Variants in WAC observed in about 807,000 individuals in gnomAD.
WAC encodes WW domain containing adaptor with coiled-coil, also known as WW domain-containing adapter protein with coiled-coil.
A neutral mutation model predicts 79.6 loss-of-function variants in WAC; 11 were observed. The observed-to-expected ratio is 0.14, with a 90% CI of 0.09 to 0.23. The LOEUF (loss-of-function observed/expected upper bound fraction) is 0.23. Among genes scored for constraint, WAC ranks in the 10% least tolerant of loss-of-function variants. The probability of loss-of-function intolerance (pLI) is 1.00; values close to 1 mark genes in which losing one functional copy is unlikely to be tolerated. For missense variants in WAC, 728 were observed against 773.5 expected (o/e 0.94, Z 0.70); for synonymous variants, 304 against 276.9 (o/e 1.10, Z -0.97).
chr10:28,533,826 C>T (rs568147827), intron 1 of WAC, 172 bp from the exon 2 acceptor site: 804 of 1,007,406 alleles, frequency 8.0e-4, no homozygotes, highest in Non-Finnish European at 1.0e-3. Flanking sequence ...GCATTTCGCC[C>T]TCTCCGGCCC....
At chr10:28,559,237 A>G (rs1838175179) in intron 3 of WAC, among the ~76,000 whole-genome samples, 1 of 151,752 alleles carries the variant, frequency 6.6e-6, no homozygotes, top group Non-Finnish European at 1.5e-5. Flanking sequence ...AAATAAAGCT[A>G]GGTAAAGGAG....
At chr10:28,543,976 C>T (rs1207451098) in intron 3 of WAC, among the ~76,000 whole-genome samples, 8 of 152,094 alleles carry the variant, frequency 5.3e-5, no homozygotes, top group Non-Finnish European at 1.2e-4. Context: ...AGCAAGCTCG[C>T]CTCTGCAGGT....
rs1836382617 is a variant in WAC at position 28,533,353 on chromosome 10, T to C, written c.-227T>C. 1.3e-5 allele frequency: 2 copies of C among 152,958 alleles called. No individual in the cohort carries two copies. The highest frequency in any genetic ancestry group is 6.6e-5 in the Admixed American group (1 of 15,198). 9.5% of individuals were successfully genotyped at this position (152,958 alleles called of 1,614,324 possible). ...CTCCCCCCGGTTCGCGGTGCCGCCG[T>C]GTAGTTGGCGCCGCTGCCCCGGCTG... On this transcript the variant is annotated 5_prime_UTR_variant, in exon 1 of 14. Coordinates refer to ENST00000354911, the MANE Select transcript of WAC (RefSeq NM_016628.5).
intron 7 of WAC, among the ~76,000 whole-genome samples, chr10:28,605,254 G>A (rs1840881897): frequency 6.6e-6 from 1 of 152,266 alleles, no homozygotes; most frequent in East Asian, 1.9e-4. Context: ...AGGAACCTTG[G>A]AGGTTCTCCA....
intron 3 of WAC, among the ~76,000 whole-genome samples, chr10:28,564,023 C>T (rs573367228): frequency 1.3e-5 from 2 of 152,036 alleles, no homozygotes; most frequent in South Asian, 4.2e-4. Flanking sequence ...ATGCCTGTAA[C>T]CCCAGCACTT....
chr10:28,558,063 G>T (rs1010686728), intron 3 of WAC, among the ~76,000 whole-genome samples: 2 of 151,974 alleles, frequency 1.3e-5, no homozygotes, highest in Non-Finnish European at 2.9e-5. Context: ...AACAGAGCGA[G>T]ATTCTGTCTC....
intron 3 of WAC, among the ~76,000 whole-genome samples, chr10:28,537,327 A>G (rs1035851794): frequency 2.0e-5 from 3 of 152,208 alleles, no homozygotes; most frequent in Non-Finnish European, 4.4e-5. Context: ...GGTACTCTCT[A>G]TCAACCACTC....
At position 28,617,789 on chromosome 10, in the gene WAC, G is replaced by A; in HGVS notation, c.1874+5G>A. ...AGCAACTTTGCGAGAGCAAAGGTAAGTCTTTCACTGAAATATATTTTTATG... is the reference window on the plus strand; with the variant it reads ...AGCAACTTTGCGAGAGCAAAGGTAAATCTTTCACTGAAATATATTTTTATG... On this transcript the variant is annotated splice_donor_5th_base_variant and intron_variant, in intron 13 of 13. Transcript: ENST00000354911. 1 of 1,573,942 alleles carries A rather than the reference G, an allele frequency of 6.4e-7. No individual in the cohort carries two copies. The highest frequency in any genetic ancestry group is 2.1e-5 in the Admixed American group (1 of 48,406).
chr10:28,533,690 C>T (rs550542851), intron 1 of WAC, 70 bp downstream of exon 1: 20 of 1,482,164 alleles, frequency 1.3e-5, no homozygotes, highest in African/African-American at 7.1e-5. Context: ...TCCTCCTTAT[C>T]TGGAGCTGGC....
chr10:28,599,669 C>T (rs985450916), intron 7 of WAC, among the ~76,000 whole-genome samples: 33 of 152,248 alleles, frequency 2.2e-4, no homozygotes, highest in African/African-American at 7.9e-4. Context: ...CTGTTTGATG[C>T]CAGTGTGTCA....
At chr10:28,577,325 G>GT (rs373844696) in intron 3 of WAC, among the ~76,000 whole-genome samples, 94 of 151,490 alleles carry the variant, frequency 6.2e-4, no homozygotes, top group African/African-American at 7.5e-4. Flanking sequence ...TATCCTAATG[G>GT]TTTTTTTTGC....
At chr10:28,542,240 C>T (rs1437605520) in intron 3 of WAC, among the ~76,000 whole-genome samples, 2 of 152,194 alleles carry the variant, frequency 1.3e-5, no homozygotes, top group Non-Finnish European at 2.9e-5. Flanking sequence ...GCTGAACACT[C>T]TGAAACAGTC....
chr10:28,533,897 G>C (rs1307295218), intron 1 of WAC, 101 bp from the exon 2 acceptor site: 1 of 1,433,394 alleles, frequency 7.0e-7, no homozygotes, highest in African/African-American at 1.4e-5. Context: ...GCGCTCGGTA[G>C]GTCTCCCGCG....
At chr10:28,542,968 A>G (rs961950156) in intron 3 of WAC, among the ~76,000 whole-genome samples, 1 of 152,258 alleles carries the variant, frequency 6.6e-6, no homozygotes, top group African/African-American at 2.4e-5. Flanking sequence ...TCCACCTTGT[A>G]TTCCTGTTAC....
At chr10:28,533,772 G>GGGCC (rs1836427601) in intron 1 of WAC, 152 bp downstream of exon 1, 1 of 1,009,296 alleles carries the variant, frequency 9.9e-7, no homozygotes, top group Non-Finnish European at 1.4e-6. Flanking sequence ...GCGGGCGGGC[G>GGGCC]GGCGGGAACG....
intron 3 of WAC, among the ~76,000 whole-genome samples, chr10:28,581,726 A>T (rs1442726331): frequency 6.6e-6 from 1 of 151,490 alleles, no homozygotes; most frequent in Non-Finnish European, 1.5e-5. Flanking sequence ...ACGTCCAGCT[A>T]ACTTTTGTAT....
intron 3 of WAC, among the ~76,000 whole-genome samples, chr10:28,575,886 A>C (rs1473916223): frequency 1.3e-5 from 2 of 152,188 alleles, no homozygotes; most frequent in Non-Finnish European, 2.9e-5. Context: ...TGTGTATGTG[A>C]AGGTGATCTC....
intron 2 of WAC, chr10:28,535,243 A>T (rs1372457543): frequency 5.4e-6 from 1 of 184,868 alleles, no homozygotes; most frequent in African/African-American, 2.4e-5. Context: ...TTTTCTTTTG[A>T]CTATCAAAAA....
At chr10:28,618,898 A>G (rs1005907302) in intron 13 of WAC, among the ~76,000 whole-genome samples, 1 of 152,240 alleles carries the variant, frequency 6.6e-6, no homozygotes, top group African/African-American at 2.4e-5. Context: ...TATTTCATGT[A>G]TAATAGCTAC....
Sources: allele counts gnomAD v4.1 joint callset (sites outside exome capture counted in the v4.1 genomes callset), GRCh38; gene constraint gnomAD v4.1.1; transcripts MANE v1.5; gene names NCBI Gene and HGNC (gene_info 2026-07-23, HGNC 2026-07-21).